The following SLC6A7 variants were observed in gnomAD, a reference collection of about 807,000 sequenced individuals.
SLC6A7 encodes sodium-dependent proline transporter.
In SLC6A7, 58 loss-of-function variants were observed where a neutral mutation model predicts 73.1. That is an observed-to-expected ratio of 0.79 (90% CI 0.64 to 0.99). The LOEUF (loss-of-function observed/expected upper bound fraction) is 0.99. Ranked by LOEUF, SLC6A7 falls within the 50% of genes least tolerant of loss-of-function variation. The pLI is 0.00. For synonymous variants in SLC6A7, 338 were observed against 338.7 expected, an observed-to-expected ratio of 1.00 and a Z score of 0.02; for missense variants, 783 against 831.4, an observed-to-expected ratio of 0.94 and a Z score of 0.72.
At chr5:150,203,849 G>GTGTA in intron 9 of SLC6A7, 58 bp from the exon 10 acceptor site, 1 of 1,531,348 alleles carries the variant, frequency 6.5e-7, no homozygotes, top group Admixed American at 1.7e-5. Flanking sequence ...GTGTGTGTGT[G>GTGTA]TGTGTGTGTG....
In SLC6A7 at chr5:150,202,507, G is replaced by A. The variant is rs931394946; in HGVS notation, c.962+57G>A. On this transcript the variant is annotated intron_variant, in intron 7 of 13. Transcript: ENST00000230671. ...GTCCAAAGCAGGGAGGAGAGTGGCT[G>A]GCCAGGGAGGGCCTCAGAGGCTGAA... 2.4e-5 allele frequency: 39 copies of A among 1,609,670 alleles called. No homozygotes were observed. In the Admixed American group the frequency reaches 5.0e-4, roughly 21 times the overall value.
In SLC6A7 at chr5:150,209,407, G is replaced by T. The variant is rs745335305; in HGVS notation, c.1703G>T (p.Arg568Leu). ...ACTGCTCTCGTTGCTTTGCTGCAGC[G>T]GCTCCAACAGGCCAGCCGGCCGGCC... ...VLREEGSLWE[R>L]LQQASRPAMD... Residue 568 changes from arginine to leucine, a missense_variant and splice_region_variant, in exon 14 of 14, where the codon CGG (arginine) becomes CTG (leucine). Arg to Leu is a moderately radical substitution (Grantham distance 102). Coordinates refer to ENST00000230671, the MANE Select transcript of SLC6A7 (RefSeq NM_014228.5). The T allele has an allele frequency of 1.9e-6, 3 of 1,613,030 alleles. No homozygotes were observed. Among genetic ancestry groups the T allele is most frequent in the East Asian group, 2.2e-5 (1 of 44,890 alleles).
intron 13 of SLC6A7, among the ~76,000 whole-genome samples, chr5:150,206,120 G>A (rs1425101425): frequency 2.0e-5 from 3 of 152,224 alleles, no homozygotes; most frequent in Non-Finnish European, 4.4e-5. Flanking sequence ...CTGCCACAGG[G>A]TCTGAGGCCT....
intron 1 of SLC6A7, among the ~76,000 whole-genome samples, chr5:150,192,761 A>G (rs1752845010): frequency 6.6e-6 from 1 of 152,172 alleles, no homozygotes; most frequent in East Asian, 1.9e-4. Context: ...CTCCATGAGC[A>G]TGGAAAGGGC....
At chr5:150,192,279 G>A (rs1020459050) in intron 1 of SLC6A7, among the ~76,000 whole-genome samples, 2 of 152,120 alleles carry the variant, frequency 1.3e-5, no homozygotes, top group African/African-American at 4.8e-5. Flanking sequence ...TGATGAAGCT[G>A]GACCCCAGAT....
chr5:150,209,076 C>G (rs994162528), intron 13 of SLC6A7, among the ~76,000 whole-genome samples: 5 of 152,264 alleles, frequency 3.3e-5, no homozygotes, highest in Non-Finnish European at 7.3e-5. Context: ...CTGTTCCCAG[C>G]ACCCTGCTAA....
chr5:150,205,027 G>A, intron 12 of SLC6A7, 100 bp downstream of exon 12: 1 of 696,232 alleles, frequency 1.4e-6, no homozygotes. Flanking sequence ...CTGGCCCGCA[G>A]TGGAGGGCTG....
intron 9 of SLC6A7, 41 bp downstream of exon 9, chr5:150,203,820 GGT>G (rs35380195): frequency 0.051 from 40,082 of 793,390 alleles, 37 homozygotes; most frequent in South Asian, 0.08. Context: ...GTGTGTGTGT[GGT>G]GTGTGTGTGT....
In SLC6A7 at chr5:150,209,838, G is replaced by T; in HGVS notation, c.*223G>T. 1 of 578,086 alleles carries T rather than the reference G, an allele frequency of 1.7e-6. No individual in the cohort carries two copies. The highest frequency in any genetic ancestry group is 1.9e-5 in the African/African-American group (1 of 53,576). The allele number at this position is 578,086 out of a possible 1,614,324, so 35.8% of individuals were successfully genotyped here. On this transcript the variant is annotated 3_prime_UTR_variant, in exon 14 of 14. Coordinates refer to ENST00000230671, the MANE Select transcript of SLC6A7 (RefSeq NM_014228.5). ...ACAGGCATACTCAGACCCACTCAAA[G>T]CTGAGAATGATCCAACTCAGCCCTA...
At chr5:150,191,118 TCTC>T (rs1455074165) in intron 1 of SLC6A7, among the ~76,000 whole-genome samples, 1 of 152,100 alleles carries the variant, frequency 6.6e-6, no homozygotes, top group Non-Finnish European at 1.5e-5. Flanking sequence ...AGGAGTCAGA[TCTC>T]CTGAATACTA....
In SLC6A7 at chr5:150,203,827, GT is replaced by G. The variant is rs1753528578; in HGVS notation, c.1200+49del. 4 of 1,097,912 alleles carry G rather than the reference GT, an allele frequency of 3.6e-6. No homozygotes were observed. The African/African-American group carries it at 6.7e-5, about 18-fold the overall frequency. 68.0% of individuals were successfully genotyped at this position (1,097,912 alleles called of 1,614,324 possible). A position where few individuals can be genotyped will look rare whatever the true frequency, so the allele number is the denominator to read the frequency against. On this transcript the variant is annotated intron_variant, in intron 9 of 13. Coordinates refer to ENST00000230671, the MANE Select transcript of SLC6A7 (RefSeq NM_014228.5). The stretch of plus-strand genomic sequence containing the variant: ...GGCACCCCGTGTGTGTGTGGTGTGT[GT>G]GTGTGTGTGTGTGTGTGTGTGTGTG...
intron 2 of SLC6A7, 45 bp from the exon 3 acceptor site, chr5:150,196,671 G>A (rs1254540829): frequency 3.8e-6 from 6 of 1,587,698 alleles, no homozygotes; most frequent in Non-Finnish European, 5.1e-6. Context: ...GGGCTTTTGG[G>A]GGAGCTGCCC....
In SLC6A7 at chr5:150,205,569, G is replaced by T. The variant is rs1415160570; in HGVS notation, c.1647G>T (p.Met549Ile). Residue 549 changes from methionine to isoleucine, a missense_variant, in exon 13 of 14, where the codon ATG (methionine) becomes ATT (isoleucine). Coordinates refer to ENST00000230671, the MANE Select transcript of SLC6A7 (RefSeq NM_014228.5). ...GILMGLLSCL[M>I]IPAGMLVAVL... ...TGATGGGCCTGCTGTCCTGCCTCAT[G>T]ATCCCAGCTGGCATGCTGGTGGCTG... is the stretch of plus-strand genomic sequence containing the variant. The T allele has an allele frequency of 6.2e-7, 1 of 1,613,698 alleles. No individual in the cohort carries two copies. Among genetic ancestry groups the T allele is most frequent in the Non-Finnish European group, 8.5e-7 (1 of 1,179,858 alleles).
chr5:150,190,440 A>C, intron 1 of SLC6A7, 80 bp downstream of exon 1: 1 of 1,033,662 alleles, frequency 9.7e-7, no homozygotes, highest in South Asian at 1.8e-5. Context: ...GCCCCTGGGG[A>C]AGGTCTGAGG....
intron 1 of SLC6A7, among the ~76,000 whole-genome samples, chr5:150,192,901 G>C (rs550582418): frequency 3.9e-5 from 6 of 152,288 alleles, no homozygotes; most frequent in African/African-American, 1.2e-4. Context: ...AGGAACAGTG[G>C]CAACCATTCC....
chr5:150,205,423 C>G, intron 12 of SLC6A7, 33 bp from the exon 13 acceptor site: 1 of 1,559,636 alleles, frequency 6.4e-7, no homozygotes. Context: ...TAGACAAAAG[C>G]CCGCAGTGAT....
At chr5:150,200,407 C>A (rs1175594740) in intron 5 of SLC6A7, among the ~76,000 whole-genome samples, 1 of 152,110 alleles carries the variant, frequency 6.6e-6, no homozygotes, top group South Asian at 2.1e-4. Context: ...ACGGGAGAAT[C>A]GCTTGAACCT....
chr5:150,190,450 G>T, intron 1 of SLC6A7, 90 bp downstream of exon 1: 1 of 867,008 alleles, frequency 1.2e-6, no homozygotes, highest in Non-Finnish European at 1.7e-6. Flanking sequence ...AAGGTCTGAG[G>T]ATGCACCCAG....
chr5:150,202,395 T>C lies in SLC6A7; in HGVS notation c.907T>C (p.Phe303Leu), dbSNP rs755614528. 6.2e-7 allele frequency: 1 copy of C among 1,614,164 alleles called. No individual in the cohort carries two copies. Among genetic ancestry groups the C allele is most frequent in the Non-Finnish European group, 8.5e-7 (1 of 1,180,010 alleles). ...GATCTTCTATTCCCTGGGTGTGGGC[T>C]TCGGGGGGCTCCTCACCTTTGCCTC... is the stretch of plus-strand genomic sequence containing the variant. ...LQIFYSLGVG[F>L]GGLLTFASYN... is the part of the protein sequence containing the mutation. The change falls in exon 7 of 14, where the codon TTC becomes CTC. Residue 303 changes from phenylalanine (F) to leucine (L), a missense_variant. Physicochemically the swap from Phe to Leu is conservative, Grantham distance 22 (BLOSUM62 0). Coordinates refer to ENST00000230671, the MANE Select transcript of SLC6A7 (RefSeq NM_014228.5).
Sources: gnomAD v4.1 joint callset for allele counts (sites outside exome capture counted in the v4.1 genomes callset) on GRCh38, gnomAD v4.1.1 for gene constraint, MANE v1.5 for transcripts, NCBI Gene and HGNC (gene_info 2026-07-23, HGNC 2026-07-21) for gene names.